Variants in MIER3 observed in about 807,000 individuals in gnomAD.
MIER3 encodes mesoderm induction early response protein 3.
A neutral mutation model predicts 63.2 loss-of-function variants in MIER3; 9 were observed. The observed-to-expected ratio is 0.14, with a 90% CI of 0.09 to 0.25. The LOEUF is 0.25. Among genes scored for constraint, MIER3 ranks in the 10% least tolerant of loss-of-function variants. The probability of loss-of-function intolerance (pLI) is 1.00; values close to 1 mark genes in which losing one functional copy is unlikely to be tolerated. For synonymous variants in MIER3, 205 were observed against 224.9 expected (o/e 0.91, Z 0.79); for missense variants, 512 against 666.2 (o/e 0.77, Z 2.55).
At chr5:56,930,569 A>G in intron 9 of MIER3, 95 bp downstream of exon 9, 2 of 978,852 alleles carry the variant, frequency 2.0e-6, no homozygotes, top group Non-Finnish European at 3.2e-6. Context: ...CAAAAGTGTT[A>G]CAGGATTGCT....
rs1324069727 is a variant in MIER3 at position 56,920,018 on chromosome 5, G to C, written c.*3110C>G. ...ATCTCCTTGGTGGTCAGGTTTATTT[G>C]TTAGTTTACATTCAAAGTTGAAATA... On this transcript the variant is annotated 3_prime_UTR_variant, in exon 13 of 13. Coordinates refer to ENST00000381199, the MANE Select transcript of MIER3 (RefSeq NM_001297599.2). The C allele has an allele frequency of 3.3e-5, 5 of 152,688 alleles. No individual in the cohort carries two copies. The East Asian group carries it at 9.6e-4, about 29-fold the overall frequency. 9.5% of individuals were successfully genotyped at this position (152,688 alleles called of 1,614,324 possible).
At chr5:56,952,171 A>AGCCGCC (rs988158844), upstream of MIER3, 15 of 1,141,196 alleles carry the variant, frequency 1.3e-5, no homozygotes, top group South Asian at 3.8e-5. Context: ...AGCCAATCGC[A>AGCCGCC]GCCGCCGCCG....
At chr5:56,925,650 C>T in intron 10 of MIER3, 1 of 174,836 alleles carries the variant, frequency 5.7e-6, no homozygotes, top group South Asian at 1.2e-4. Context: ...GATAAGAAGA[C>T]ACTTCATTGT....
intron 3 of MIER3, chr5:56,941,585 T>C (rs559838087): frequency 2.9e-4 from 44 of 151,072 alleles, no homozygotes; most frequent in African/African-American, 1.1e-3. Context: ...GTTTGGTGAG[T>C]AGAATGAAGA....
At chr5:56,924,484 T>C (rs762717961) in intron 10 of MIER3, among the ~76,000 whole-genome samples, 1 of 152,222 alleles carries the variant, frequency 6.6e-6, no homozygotes, top group Non-Finnish European at 1.5e-5. Flanking sequence ...TATTTAGGTA[T>C]ATTTTTCTGG....
intron 10 of MIER3, chr5:56,925,378 A>G (rs1291767294): frequency 2.2e-6 from 1 of 452,662 alleles, no homozygotes; most frequent in Non-Finnish European, 4.4e-6. Context: ...TCAACAAAAA[A>G]TCGCCTGTAA....
At chr5:56,951,190 GC>G (rs1201040661) in intron 1 of MIER3, among the ~76,000 whole-genome samples, 3 of 152,082 alleles carry the variant, frequency 2.0e-5, no homozygotes, top group Admixed American at 1.3e-4. Context: ...CAAAGCGCGA[GC>G]CCCCCATCCT....
At chr5:56,925,460 C>A (rs997211672) in intron 10 of MIER3, 2 of 331,874 alleles carry the variant, frequency 6.0e-6, no homozygotes, top group South Asian at 2.4e-5. Flanking sequence ...TCCTATATAA[C>A]AGCAATGACG....
rs1749828201 is a variant in MIER3 at position 56,924,047 on chromosome 5, T to A, written c.925-5A>T. On this transcript the variant is annotated splice_polypyrimidine_tract_variant and splice_region_variant and intron_variant, in intron 10 of 12. Transcript: ENST00000381199. ...AGCAACTGTCCTAGTTCTCACCTAA[T>A]GAAAAAGTTGAATTTTTAAAAAACC... 6.3e-7 allele frequency: 1 copy of A among 1,584,672 alleles called. No homozygotes were observed. Among genetic ancestry groups the A allele is most frequent in the East Asian group, 2.2e-5 (1 of 44,716 alleles).
At chr5:56,928,365 G>A (rs13436820) in intron 10 of MIER3, 1,794 of 153,452 alleles carry the variant, frequency 0.012, 16 homozygotes, top group Non-Finnish European at 0.019. Flanking sequence ...CCAGCATTTG[G>A]TGGTGTTAGA....
intron 2 of MIER3, among the ~76,000 whole-genome samples, chr5:56,950,121 A>AGG (rs2112158255): frequency 6.6e-6 from 1 of 152,322 alleles, no homozygotes; most frequent in South Asian, 2.1e-4. Context: ...CAAACTTGGA[A>AGG]GTTCTGTCTT....
In MIER3 at chr5:56,949,148, G is replaced by C. The variant is rs145486817; in HGVS notation, c.34+1480C>G. Reference sequence around the variant, plus strand: ...AGGCAGGCGGATCACTTGAGGTCAGGAGTTCAAGATCAGCCTAGCCAGCAT... The same window carrying C: ...AGGCAGGCGGATCACTTGAGGTCAGCAGTTCAAGATCAGCCTAGCCAGCAT... On this transcript the variant is annotated intron_variant, in intron 2 of 12. Transcript: ENST00000381199. Among the ~76,000 whole-genome samples, 1,485 of 152,258 alleles carry C rather than the reference G, an allele frequency of 9.8e-3. 21 individuals are homozygous for C. Among genetic ancestry groups the C allele is most frequent in the African/African-American group, 0.034 (1,429 of 41,532 alleles).
chr5:56,930,770 T>G, intron 8 of MIER3, 25 bp from the exon 9 acceptor site: 1 of 1,581,370 alleles, frequency 6.3e-7, no homozygotes, highest in Non-Finnish European at 8.7e-7. Context: ...CAATAAAAAG[T>G]ATTAAAAGTT....
At chr5:56,941,200 T>C in intron 3 of MIER3, 2 of 916,636 alleles carry the variant, frequency 2.2e-6, no homozygotes, top group Non-Finnish European at 2.6e-6. Flanking sequence ...TTAGCCATTA[T>C]GATACAATGT....
At chr5:56,949,263 CAGG>C (rs1281855768) in intron 2 of MIER3, among the ~76,000 whole-genome samples, 1 of 151,898 alleles carries the variant, frequency 6.6e-6, no homozygotes, top group African/African-American at 2.4e-5. Context: ...GAGGCTGAGG[CAGG>C]AGAACAGCTT....
rs763374939 is a variant in MIER3 at position 56,928,779 on chromosome 5, T to C, written c.912A>G (p.Ile304Met). 1 of 1,611,498 alleles carries C rather than the reference T, an allele frequency of 6.2e-7. No homozygotes were observed. Among genetic ancestry groups the C allele is most frequent in the Admixed American group, 1.7e-5 (1 of 59,970 alleles). Residue 304 changes from isoleucine to methionine, a missense_variant, in exon 10 of 13, where the codon ATA (isoleucine) becomes ATG (methionine). By Grantham distance (10) the Ile-to-Met change is conservative. Around this residue, in one of 5 missense-constraint regions of MIER3, gnomAD observed 34 missense variants for 86.3 expected, o/e 0.39. Coordinates refer to ENST00000381199, the MANE Select transcript of MIER3 (RefSeq NM_001297599.2). ...CTGCCTAATTTACCTTATTCTTCTG[T>C]ATAAGATGAAAATCTTTTCCAAAAA... ...LMLFGKDFHL[I>M]QKNKVRTRTV... is the part of the protein sequence containing the mutation.
chr5:56,938,628 C>T (rs1750534825), intron 4 of MIER3, among the ~76,000 whole-genome samples: 1 of 152,094 alleles, frequency 6.6e-6, no homozygotes, highest in Non-Finnish European at 1.5e-5. Context: ...AGTTTAGATA[C>T]AATGTGTCTA....
intron 4 of MIER3, 112 bp from the exon 5 acceptor site, chr5:56,937,810 A>G (rs1325777073): frequency 1.3e-6 from 1 of 754,356 alleles, no homozygotes; most frequent in East Asian, 3.7e-5. Flanking sequence ...TTATGAGAGA[A>G]ATATGAAATT....
At chr5:56,925,278 G>T (rs1202942317) in intron 10 of MIER3, 5 of 442,648 alleles carry the variant, frequency 1.1e-5, no homozygotes, top group Middle Eastern at 4.7e-4. Flanking sequence ...ACAAGAAAAA[G>T]AAATAAAAAG....
Sources: gnomAD v4.1 joint callset for allele counts (sites outside exome capture counted in the v4.1 genomes callset) on GRCh38, gnomAD v4.1.1 for gene constraint, gnomAD v4.1.1 regional missense constraint, MANE v1.5 for transcripts, NCBI Gene and HGNC (gene_info 2026-07-23, HGNC 2026-07-21) for gene names.